IFT122: variants seen among roughly 807,000 people sequenced by gnomAD.
IFT122 encodes the protein intraflagellar transport protein 122 homolog.
IFT122 carries 118 observed loss-of-function variants against 161.6 expected under a neutral mutation model. The observed-to-expected ratio is 0.73, with a 90% CI of 0.63 to 0.85. IFT122 has a LOEUF of 0.85. Ranked by LOEUF, IFT122 falls within the 40% of genes least tolerant of loss-of-function variation. IFT122 has a pLI of 0.00. For missense variants in IFT122, 1,381 were observed against 1,579.6 expected (o/e 0.87, Z 2.13); for synonymous variants, 550 against 602.4 (o/e 0.91, Z 1.27).
Position 129,467,075 on chromosome 3 carries a change from G to A in IFT122, c.740+9G>A, listed in dbSNP as rs754839364. ...CCCAGGGACGACAACTTGTGAGTGTGTCCCAGTGAGTGGGAACCCTTCTGG... is the reference window on the plus strand; with the variant it reads ...CCCAGGGACGACAACTTGTGAGTGTATCCCAGTGAGTGGGAACCCTTCTGG... On this transcript the variant is annotated intron_variant, in intron 8 of 29. Coordinates refer to ENST00000348417, the MANE Select transcript of IFT122 (RefSeq NM_052989.3). 28 of 1,612,368 alleles carry A rather than the reference G, an allele frequency of 1.7e-5. 1 individual carries two copies. In the South Asian group the frequency reaches 2.7e-4, roughly 16 times the overall value.
chr3:129,483,616 C>A lies in IFT122; in HGVS notation c.1785C>A (p.Val595=). The change falls in exon 15 of 30, where the codon GTC becomes GTA. Residue 595 remains valine, a synonymous_variant. Coordinates refer to ENST00000348417, the MANE Select transcript of IFT122 (RefSeq NM_052989.3). ...VHRQKLQGFV[V]GYNGSKIFCL... is the part of the protein sequence containing the mutation. Reference sequence around the variant, plus strand: ...GGCAGAAGCTGCAGGGCTTTGTGGTCGGCTACAATGGCTCCAAGATCTTCT... The same window carrying A: ...GGCAGAAGCTGCAGGGCTTTGTGGTAGGCTACAATGGCTCCAAGATCTTCT... 1 of 1,613,706 alleles carries A rather than the reference C, an allele frequency of 6.2e-7. No homozygotes were observed. The highest frequency in any genetic ancestry group is 8.5e-7 in the Non-Finnish European group (1 of 1,179,806).
rs1166013446 is a variant in IFT122 at position 129,483,678 on chromosome 3, C to T, written c.1847C>T (p.Pro616Leu). 7 of 1,591,882 alleles carry T rather than the reference C, an allele frequency of 4.4e-6. No individual in the cohort carries two copies. Among genetic ancestry groups the T allele is most frequent in the East Asian group, 4.6e-5 (2 of 43,750 alleles). ...TTCTCCATTTCTGCCGTGGAGGTGC[C>T]GCAGGTAACTGGGGGTGCCTGTCCA... ...HVFSISAVEV[P>L]QSAPMYQYLD... Residue 616 changes from proline (P) to leucine (L), a missense_variant, in exon 15 of 30, where the codon CCG becomes CTG. By Grantham distance (98) the Pro-to-Leu change is moderately conservative. This residue lies in a region of IFT122 where 544 missense variants were observed against 648.0 expected (regional missense o/e 0.84). Transcript: ENST00000348417.
At chr3:129,492,047 T>A in intron 16 of IFT122, 94 bp from the exon 17 acceptor site, 1 of 912,526 alleles carries the variant, frequency 1.1e-6, no homozygotes, top group Middle Eastern at 2.1e-4. Flanking sequence ...TGTGGCTCAC[T>A]GTCTAGATAG....
At chr3:129,459,473 T>G (rs1317299850) in intron 4 of IFT122, 1 of 320,302 alleles carries the variant, frequency 3.1e-6, no homozygotes, top group Non-Finnish European at 6.1e-6. Flanking sequence ...GTATTTTTAG[T>G]AGAGATGGGG....
intron 1 of IFT122, among the ~76,000 whole-genome samples, chr3:129,445,123 C>T (rs1046260732): frequency 4.6e-5 from 7 of 151,938 alleles, no homozygotes; most frequent in Non-Finnish European, 8.8e-5. Context: ...GTCAGGAGTT[C>T]GAGACCAGCC....
intron 2 of IFT122, among the ~76,000 whole-genome samples, chr3:129,451,275 T>A (rs1036343821): frequency 1.5e-4 from 23 of 151,962 alleles, no homozygotes; most frequent in Non-Finnish European, 2.1e-4. Flanking sequence ...ATTTTTATTT[T>A]TTTTTATTTT....
intron 19 of IFT122, among the ~76,000 whole-genome samples, chr3:129,501,748 G>T (rs1226754993): frequency 6.6e-6 from 1 of 152,224 alleles, no homozygotes; most frequent in Non-Finnish European, 1.5e-5. Flanking sequence ...GGTGTGATGG[G>T]TGGGAAGGTT....
chr3:129,505,186 C>G (rs985896973), intron 21 of IFT122, among the ~76,000 whole-genome samples: 5 of 152,180 alleles, frequency 3.3e-5, no homozygotes, highest in African/African-American at 1.2e-4. Flanking sequence ...ATGTGCCATG[C>G]CAAGTCACAA....
intron 16 of IFT122, among the ~76,000 whole-genome samples, chr3:129,491,269 G>A (rs1255632311): frequency 6.6e-6 from 1 of 152,324 alleles, no homozygotes; most frequent in African/African-American, 2.4e-5. Flanking sequence ...ATTGCTCTGC[G>A]TGTTCAGTTC....
intron 25 of IFT122, chr3:129,515,152 T>C: frequency 2.2e-6 from 1 of 464,130 alleles, no homozygotes; most frequent in East Asian, 4.3e-5. Context: ...GCCAGTATAG[T>C]CCACGTGCTC....
At chr3:129,465,077 A>G (rs1392003704) in intron 7 of IFT122, among the ~76,000 whole-genome samples, 1 of 150,814 alleles carries the variant, frequency 6.6e-6, no homozygotes, top group Non-Finnish European at 1.5e-5. Flanking sequence ...GTCTGCGCAC[A>G]TGTGCATGCA....
intron 18 of IFT122, among the ~76,000 whole-genome samples, chr3:129,496,668 A>C (rs2108492718): frequency 6.6e-6 from 1 of 152,174 alleles, no homozygotes; most frequent in African/African-American, 2.4e-5. Context: ...GTTCATCAGG[A>C]CTTGGACGAG....
intron 23 of IFT122, 52 bp downstream of exon 23, chr3:129,507,814 G>C: frequency 7.4e-7 from 1 of 1,348,848 alleles, no homozygotes; most frequent in Non-Finnish European, 1.1e-6. Flanking sequence ...TGAGCTAGGG[G>C]TCCCGGGCAT....
intron 15 of IFT122, among the ~76,000 whole-genome samples, chr3:129,487,027 C>G (rs904696439): frequency 1.3e-5 from 2 of 152,140 alleles, no homozygotes; most frequent in African/African-American, 2.4e-5. Flanking sequence ...AAAAAAAATT[C>G]CTTCAATTCT....
chr3:129,463,430 A>G (rs2076386326), intron 5 of IFT122, 130 bp from the exon 6 acceptor site: 3 of 743,436 alleles, frequency 4.0e-6, no homozygotes, highest in African/African-American at 3.4e-5. Context: ...TTTTGAGATT[A>G]TGTTTTTTCA....
intron 14 of IFT122, among the ~76,000 whole-genome samples, chr3:129,482,906 A>G (rs2078846443): frequency 6.6e-6 from 1 of 152,158 alleles, no homozygotes; most frequent in Non-Finnish European, 1.5e-5. Context: ...CCTCCCACCT[A>G]TAGGGGGCAT....
Position 129,492,054 on chromosome 3 carries a change from A to G in IFT122, c.1993-87A>G, listed in dbSNP as rs542491524. 83 of 959,750 alleles carry G rather than the reference A, an allele frequency of 8.6e-5. No homozygotes were observed. In the South Asian group the frequency reaches 9.4e-4, roughly 11 times the overall value. The allele number at this position is 959,750 out of a possible 1,614,324, so 59.5% of individuals were successfully genotyped here. A position where few individuals can be genotyped will look rare whatever the true frequency, so the allele number is the denominator to read the frequency against. The stretch of plus-strand genomic sequence containing the variant: ...CTCTCCTCTGTGGCTCACTGTCTAG[A>G]TAGAGCTTGACTTCCCACCCCTAGC... On this transcript the variant is annotated intron_variant, in intron 16 of 29. Transcript: ENST00000348417.
In IFT122 at chr3:129,488,246, A is replaced by G. The variant is rs767468377; in HGVS notation, c.1852-11A>G. 3 of 1,613,934 alleles carry G rather than the reference A, an allele frequency of 1.9e-6. No homozygotes were observed. The East Asian group carries it at 6.7e-5, about 36-fold the overall frequency. ...ACAGTCTTCTTTTTTTCCCTTGATG[A>G]AATCCTGCAGTCCGCTCCCATGTAC... is the stretch of plus-strand genomic sequence containing the variant. On this transcript the variant is annotated splice_polypyrimidine_tract_variant and intron_variant, in intron 15 of 29. Transcript: ENST00000348417.
chr3:129,495,670 T>C (rs2080751180), intron 18 of IFT122, 63 bp downstream of exon 18: 1 of 1,577,036 alleles, frequency 6.3e-7, no homozygotes, highest in South Asian at 1.1e-5. Context: ...TCACGTGCGG[T>C]GTCCAAGTTA....
Sources: allele counts gnomAD v4.1 joint callset (sites outside exome capture counted in the v4.1 genomes callset), GRCh38; gene constraint gnomAD v4.1.1; regional missense constraint gnomAD v4.1.1; transcripts MANE v1.5; gene names NCBI Gene and HGNC (gene_info 2026-07-23, HGNC 2026-07-21).